Variants in PTPRJ observed in about 807,000 individuals in gnomAD.
PTPRJ encodes the protein protein tyrosine phosphatase receptor type J, also known as receptor-type tyrosine-protein phosphatase eta.
PTPRJ carries 129 observed loss-of-function variants against 141.3 expected under a neutral mutation model. The observed-to-expected ratio is 0.91, with a 90% CI of 0.79 to 1.06. PTPRJ has a LOEUF of 1.06. Among genes scored for constraint, PTPRJ ranks in the 50% least tolerant of loss-of-function variants. PTPRJ has a pLI of 0.00. For missense variants in PTPRJ, 1,601 were observed against 1,679.7 expected, an observed-to-expected ratio of 0.95 and a Z score of 0.82; for synonymous variants, 610 against 640.5, an observed-to-expected ratio of 0.95 and a Z score of 0.72.
In PTPRJ at chr11:48,124,989, G is replaced by T; in HGVS notation, c.896G>T (p.Ser299Ile). ...ACAGATGCCAGCAATACAGAGAGAA[G>T]CCGGGCAGGGAGCCCCACCGCCCCT... The part of the protein sequence containing the change: ...GGLDASNTER[S>I]RAGSPTAPVH... Residue 299 changes from serine to isoleucine, a missense_variant, in exon 6 of 25, where the codon AGC becomes ATC. By Grantham distance (142) the Ser-to-Ile change is moderately radical. Transcript: ENST00000418331. The T allele has an allele frequency of 6.2e-7, 1 of 1,613,996 alleles. No homozygotes were observed. The highest frequency in any genetic ancestry group is 8.5e-7 in the Non-Finnish European group (1 of 1,179,990).
chr11:48,076,830 C>T (rs1004343014), intron 1 of PTPRJ, among the ~76,000 whole-genome samples: 1 of 148,892 alleles, frequency 6.7e-6, no homozygotes, highest in Non-Finnish European at 1.5e-5. Flanking sequence ...AAGGATTTTA[C>T]AATTGGTAGA....
intron 1 of PTPRJ, among the ~76,000 whole-genome samples, chr11:48,037,385 A>G (rs1854154021): frequency 6.6e-6 from 1 of 152,184 alleles, no homozygotes; most frequent in Admixed American, 6.5e-5. Context: ...CGCTTACAGC[A>G]TTTGAAGGCT....
intron 14 of PTPRJ, among the ~76,000 whole-genome samples, chr11:48,146,378 TA>T (rs1857350658): frequency 6.6e-6 from 1 of 152,160 alleles, no homozygotes; most frequent in South Asian, 2.1e-4. Flanking sequence ...TTTTCTTTCC[TA>T]GTTGGTGGTT....
intron 1 of PTPRJ, among the ~76,000 whole-genome samples, chr11:48,103,403 G>A (rs1008051578): frequency 5.3e-5 from 8 of 152,222 alleles, no homozygotes; most frequent in African/African-American, 1.7e-4. Context: ...AGGCTGCAGT[G>A]AGCTATGATT....
intron 1 of PTPRJ, among the ~76,000 whole-genome samples, chr11:48,107,253 GA>G (rs1005676924): frequency 4.7e-4 from 67 of 142,882 alleles, no homozygotes; most frequent in African/African-American, 6.1e-4. Context: ...TGCTGGCAAG[GA>G]AAAAAAAAAA....
At position 48,137,167 on chromosome 11, in the gene PTPRJ, A is replaced by G. The variant is rs1204668752; in HGVS notation, c.2038A>G (p.Thr680Ala). The G allele has an allele frequency of 8.1e-6, 13 of 1,613,020 alleles. No individual in the cohort carries two copies. Among genetic ancestry groups the G allele is most frequent in the African/African-American group, 1.3e-5 (1 of 75,028 alleles). ...ACAAGTAGTCACGGACATTGGAATT[A>G]CTGACGCTACAGTCACTGAATTAAT... ...ATQVVTDIGI[T>A]DATVTELIPG... Residue 680 changes from threonine (T) to alanine (A), a missense_variant, in exon 10 of 25, where the codon ACT becomes GCT. Coordinates refer to ENST00000418331, the MANE Select transcript of PTPRJ (RefSeq NM_002843.4).
chr11:48,013,435 T>A (rs556004487), intron 1 of PTPRJ, among the ~76,000 whole-genome samples: 16 of 152,168 alleles, frequency 1.1e-4, no homozygotes, highest in Non-Finnish European at 1.8e-4. Context: ...TGAATGGTCC[T>A]CGGGATCTGA....
intron 1 of PTPRJ, among the ~76,000 whole-genome samples, chr11:48,106,555 G>C (rs1366424819): frequency 1.3e-5 from 2 of 152,154 alleles, no homozygotes; most frequent in Non-Finnish European, 2.9e-5. Context: ...CTGGTTTGCA[G>C]ACTGGGAGAC....
intron 1 of PTPRJ, among the ~76,000 whole-genome samples, chr11:48,020,594 C>T (rs190543017): frequency 1.3e-5 from 2 of 152,294 alleles, no homozygotes; most frequent in East Asian, 3.9e-4. Flanking sequence ...AAGGCTCAGA[C>T]TGCAGCCGGA....
intron 1 of PTPRJ, among the ~76,000 whole-genome samples, chr11:48,069,940 T>A (rs1010954666): frequency 6.6e-6 from 1 of 152,236 alleles, no homozygotes; most frequent in Non-Finnish European, 1.5e-5. Context: ...AAGTCAGTGG[T>A]GTGGGAGAAA....
intron 1 of PTPRJ, among the ~76,000 whole-genome samples, chr11:48,091,169 G>C (rs959103758): frequency 6.6e-6 from 1 of 152,170 alleles, no homozygotes; most frequent in Non-Finnish European, 1.5e-5. Flanking sequence ...AGGAGCCTCT[G>C]TGCCTTGGAG....
At chr11:48,039,324 G>A (rs144195499) in intron 1 of PTPRJ, among the ~76,000 whole-genome samples, 3 of 150,442 alleles carry the variant, frequency 2.0e-5, no homozygotes, top group Admixed American at 6.6e-5. Flanking sequence ...CAAAACCTGC[G>A]GCTTAGAGAG....
intron 4 of PTPRJ, among the ~76,000 whole-genome samples, chr11:48,121,649 G>A (rs1856712740): frequency 6.6e-6 from 1 of 152,188 alleles, no homozygotes; most frequent in Admixed American, 6.5e-5. Flanking sequence ...TGTTGGGCAG[G>A]AAAGTTTGGT....
intron 1 of PTPRJ, among the ~76,000 whole-genome samples, chr11:48,085,349 T>G (rs913084365): frequency 6.6e-6 from 1 of 152,120 alleles, no homozygotes; most frequent in African/African-American, 2.4e-5. Context: ...TATTTTTTAT[T>G]TTTTTGAAAC....
intron 1 of PTPRJ, among the ~76,000 whole-genome samples, chr11:48,001,421 A>G (rs1854497898): frequency 6.7e-6 from 1 of 148,934 alleles, no homozygotes; most frequent in Admixed American, 6.8e-5. Flanking sequence ...ATAATCCTGC[A>G]GGTGGGGTTT....
chr11:48,163,534 C>A lies in PTPRJ; in HGVS notation c.3635C>A (p.Thr1212Asn). The A allele has an allele frequency of 6.2e-7, 1 of 1,613,876 alleles. No homozygotes were observed. Among genetic ancestry groups the A allele is most frequent in the Non-Finnish European group, 8.5e-7 (1 of 1,179,706 alleles). Residue 1212 changes from threonine to asparagine, a missense_variant, in exon 23 of 25, where the codon ACT becomes AAT. Coordinates refer to ENST00000418331, the MANE Select transcript of PTPRJ (RefSeq NM_002843.4). ...CCAGACCACGGTGTTCCCGACACCA[C>A]TGACCTGCTCATCAACTTCCGGTAC... ...SWPDHGVPDT[T>N]DLLINFRYLV...
intron 3 of PTPRJ, among the ~76,000 whole-genome samples, chr11:48,116,100 C>G (rs1856559223): frequency 6.6e-6 from 1 of 151,806 alleles, no homozygotes; most frequent in Non-Finnish European, 1.5e-5. Context: ...GGTTTAAATT[C>G]TCCAATCAAA....
At chr11:47,991,764 C>T (rs1404217417) in intron 1 of PTPRJ, among the ~76,000 whole-genome samples, 2 of 152,050 alleles carry the variant, frequency 1.3e-5, no homozygotes, top group African/African-American at 4.8e-5. Flanking sequence ...TGACCTTGGG[C>T]CTATCCTTCT....
At position 48,121,252 on chromosome 11, in the gene PTPRJ, T is replaced by C. The variant is rs767475491; in HGVS notation, c.602T>C (p.Ile201Thr). The C allele has an allele frequency of 6.2e-7, 1 of 1,614,044 alleles. No individual in the cohort carries two copies. The highest frequency in any genetic ancestry group is 8.5e-7 in the Non-Finnish European group (1 of 1,179,896). ...GAGACTTGGGGAGATCCCAGAGTCATAAAAGTCATCACAGGTAAGATGACT... is the reference window on the plus strand; with the variant it reads ...GAGACTTGGGGAGATCCCAGAGTCACAAAAGTCATCACAGGTAAGATGACT... ...GNETWGDPRVIKVITEPIPVS... is the reference protein window; with the variant it reads ...GNETWGDPRVTKVITEPIPVS... Residue 201 changes from isoleucine (I) to threonine (T), a missense_variant, in exon 4 of 25, where the codon ATA becomes ACA. Ile to Thr is a moderately conservative substitution (Grantham distance 89). Coordinates refer to ENST00000418331, the MANE Select transcript of PTPRJ (RefSeq NM_002843.4).
Sources: gnomAD v4.1 joint callset for allele counts (sites outside exome capture counted in the v4.1 genomes callset) on GRCh38, gnomAD v4.1.1 for gene constraint, MANE v1.5 for transcripts, NCBI Gene and HGNC (gene_info 2026-07-23, HGNC 2026-07-21) for gene names.